The following MORN1 variants were observed in gnomAD, a reference collection of about 807,000 sequenced individuals.
MORN1 encodes the protein MORN repeat-containing protein 1.
MORN1 carries 67 observed loss-of-function variants against 61.9 expected under a neutral mutation model. The ratio of observed to expected loss-of-function variants is 1.08; its 90% CI spans 0.89 to 1.33. The LOEUF (loss-of-function observed/expected upper bound fraction) is 1.33. MORN1 is among the 40% of genes most tolerant of loss of function. MORN1 has a pLI of 0.00. For synonymous variants in MORN1, 301 were observed against 292.0 expected (o/e 1.03, Z -0.31); for missense variants, 752 against 691.2 (o/e 1.09, Z -0.99).
At chr1:2,375,711 G>A (rs1171486884) in intron 6 of MORN1, 1 of 152,278 alleles carries the variant, frequency 6.6e-6, no homozygotes, top group Non-Finnish European at 1.5e-5. Flanking sequence ...TCAGCTTCAG[G>A]AGAGGCTGGG....
chr1:2,357,578 T>A lies in MORN1; in HGVS notation c.890A>T (p.Tyr297Phe), dbSNP rs778513167. 2 of 1,605,294 alleles carry A rather than the reference T, an allele frequency of 1.2e-6. No homozygotes were observed. Among genetic ancestry groups the A allele is most frequent in the Non-Finnish European group, 1.7e-6 (2 of 1,175,570 alleles). The change falls in exon 10 of 14, where the codon TAT (tyrosine) becomes TTT (phenylalanine). Residue 297 changes from tyrosine to phenylalanine, a missense_variant. Coordinates refer to ENST00000378531, the MANE Select transcript of MORN1 (RefSeq NM_024848.3). This position sits in a 1 kb window ranked among gnomAD's most constrained non-coding sequence, Gnocchi z 6.3. The part of the protein sequence containing the change: ...QTPFGFECIP[Y>F]PVSSPAAGVP... Reference sequence around the variant, plus strand: ...CCCAGCTGCGGGGCTGGACACAGGATAAGGGATGCATTCGAACCCACTGCA... The same window carrying A: ...CCCAGCTGCGGGGCTGGACACAGGAAAAGGGATGCATTCGAACCCACTGCA...
At chr1:2,327,540 A>G (rs1557866690) in intron 12 of MORN1, among the ~76,000 whole-genome samples, 1 of 152,264 alleles carries the variant, frequency 6.6e-6, no homozygotes, top group African/African-American at 2.4e-5. Context: ...AGAGAAACAC[A>G]GAAACACACA....
At chr1:2,363,785 A>AAAACAAAC (rs4013730) in intron 8 of MORN1, among the ~76,000 whole-genome samples, 95 of 130,720 alleles carry the variant, frequency 7.3e-4, no homozygotes, top group South Asian at 2.4e-3. Flanking sequence ...ATCAGTTAGA[A>AAAACAAAC]AAACAAACAA....
rs544201253 is a variant in MORN1 at position 2,372,692 on chromosome 1, C to T, written c.635-101G>A. On this transcript the variant is annotated intron_variant, in intron 7 of 13. Coordinates refer to ENST00000378531, the MANE Select transcript of MORN1 (RefSeq NM_024848.3). This position sits in a 1 kb window ranked among gnomAD's most constrained non-coding sequence, Gnocchi z 5.4. ...GGCACCCCAGGAACCGACCAGAGCC[C>T]AGTGTGGCAGCTGGAACACAAGCAC... The T allele has an allele frequency of 2.4e-6, 2 of 822,748 alleles. No individual in the cohort carries two copies. Among genetic ancestry groups the T allele is most frequent in the African/African-American group, 3.4e-5 (2 of 58,058 alleles). 51.0% of individuals were successfully genotyped at this position (822,748 alleles called of 1,614,324 possible).
chr1:2,338,384 C>T (rs1476223841), intron 10 of MORN1, among the ~76,000 whole-genome samples: 1 of 152,210 alleles, frequency 6.6e-6, no homozygotes, highest in Non-Finnish European at 1.5e-5. Flanking sequence ...CTGGGAGCTG[C>T]ACTGCTGACG....
At chr1:2,382,923 A>G (rs1570042890) in intron 6 of MORN1, among the ~76,000 whole-genome samples, 1 of 152,166 alleles carries the variant, frequency 6.6e-6, no homozygotes, top group Non-Finnish European at 1.5e-5. Flanking sequence ...TTTCAAGAGC[A>G]GGGAGGGTGG....
chr1:2,382,642 GAA>G (rs1642399475), intron 6 of MORN1, among the ~76,000 whole-genome samples: 1 of 152,240 alleles, frequency 6.6e-6, no homozygotes, highest in Non-Finnish European at 1.5e-5. Flanking sequence ...TCTGGACAGT[GAA>G]GACAAGGGAG....
At chr1:2,381,098 T>C (rs1382802989) in intron 6 of MORN1, among the ~76,000 whole-genome samples, 1 of 152,238 alleles carries the variant, frequency 6.6e-6, no homozygotes, top group African/African-American at 2.4e-5. Flanking sequence ...AGAGCCTCGC[T>C]TCTCCTCATT....
intron 8 of MORN1, among the ~76,000 whole-genome samples, 193 bp from the exon 9 acceptor site, chr1:2,358,908 G>C (rs1478237639): frequency 6.6e-6 from 1 of 152,162 alleles, no homozygotes; most frequent in Admixed American, 6.5e-5. Context: ...ATGCCCTGCA[G>C]AAGTTTCCCA....
At chr1:2,390,964 T>G (rs1642641924) in intron 1 of MORN1, among the ~76,000 whole-genome samples, 1 of 152,196 alleles carries the variant, frequency 6.6e-6, no homozygotes, top group Non-Finnish European at 1.5e-5. Flanking sequence ...CACACTGGTC[T>G]CGAACTCCTG....
chr1:2,335,029 A>T (rs1219072138), intron 12 of MORN1, among the ~76,000 whole-genome samples: 4 of 152,202 alleles, frequency 2.6e-5, no homozygotes, highest in African/African-American at 9.6e-5. Context: ...CACCTGCAGG[A>T]TCTTGGCTGT....
intron 10 of MORN1, chr1:2,352,043 TC>T: frequency 3.6e-6 from 2 of 557,440 alleles, no homozygotes; most frequent in South Asian, 1.7e-5. Context: ...TAGGAATGAG[TC>T]CACCAAGACC....
In MORN1 at chr1:2,358,658, G is replaced by C. The variant is rs769575231; in HGVS notation, c.803C>G (p.Ala268Gly). The change falls in exon 9 of 14, where the codon GCC (alanine) becomes GGC (glycine). Residue 268 changes from alanine to glycine, a missense_variant. Coordinates refer to ENST00000378531, the MANE Select transcript of MORN1 (RefSeq NM_024848.3). ...TTTGAAAAAGTTGACCTCAGAGTAG[G>C]CTGACAGCTGCACGTATCTGACGCC... ...SAGVRYVQLSAYSEVNFFKVD... is the reference protein window; with the variant it reads ...SAGVRYVQLSGYSEVNFFKVD... The C allele has an allele frequency of 9.9e-6, 16 of 1,613,874 alleles. No individual in the cohort carries two copies. The Admixed American group carries it at 2.5e-4, about 25-fold the overall frequency.
chr1:2,324,194 G>C (rs3737639), intron 12 of MORN1, 51 bp from the exon 13 acceptor site: 1 of 1,543,712 alleles, frequency 6.5e-7, no homozygotes, highest in African/African-American at 1.4e-5. Context: ...GGGCCCCGAC[G>C]ACATGGCATC....
At chr1:2,385,112 T>C in intron 5 of MORN1, 47 bp from the exon 6 acceptor site, 2 of 1,538,488 alleles carry the variant, frequency 1.3e-6, no homozygotes, top group Non-Finnish European at 1.8e-6. Flanking sequence ...GGGAGCCGGG[T>C]GGTGGCAGTG....
At chr1:2,351,660 G>A (rs1485652233) in intron 10 of MORN1, 5 of 373,946 alleles carry the variant, frequency 1.3e-5, no homozygotes, top group Non-Finnish European at 1.0e-5. Flanking sequence ...GGAGGGGCCC[G>A]AAACCCGCTT....
intron 6 of MORN1, among the ~76,000 whole-genome samples, chr1:2,382,814 G>A (rs1378416457): frequency 3.3e-5 from 5 of 152,192 alleles, no homozygotes; most frequent in Admixed American, 2.0e-4. Flanking sequence ...ATGGGCTCCC[G>A]TGGTCCAGCA....
chr1:2,387,587 G>T, intron 3 of MORN1, 58 bp from the exon 4 acceptor site: 2 of 1,290,796 alleles, frequency 1.5e-6, no homozygotes, highest in Non-Finnish European at 2.2e-6. Flanking sequence ...TGCGGCCCCA[G>T]TCGGCTCTCC....
intron 13 of MORN1, chr1:2,323,609 G>A (rs1557864181): frequency 1.0e-6 from 1 of 985,184 alleles, no homozygotes; most frequent in African/African-American, 1.7e-5. Context: ...GTCTGCACCT[G>A]AGCCTTCTCC....
Sources: allele counts gnomAD v4.1 joint callset (sites outside exome capture counted in the v4.1 genomes callset), GRCh38; gene constraint gnomAD v4.1.1; non-coding constraint Gnocchi (gnomAD v3.1); transcripts MANE v1.5; gene names NCBI Gene and HGNC (gene_info 2026-07-23, HGNC 2026-07-21).